Variants in CLEC16A observed in about 807,000 individuals in gnomAD.
CLEC16A encodes the protein protein CLEC16A.
CLEC16A carries 51 observed loss-of-function variants against 109.5 expected under a neutral mutation model. The ratio of observed to expected loss-of-function variants is 0.47; its 90% CI spans 0.37 to 0.59. The LOEUF is 0.59. CLEC16A is among the 20% of genes least tolerant of loss of function. The pLI is 0.00. For missense variants in CLEC16A, 1,339 were observed against 1,394.0 expected, an observed-to-expected ratio of 0.96 and a Z score of 0.63; for synonymous variants, 673 against 564.2, an observed-to-expected ratio of 1.19 and a Z score of -2.73.
At chr16:11,113,268 A>C (rs1046653585) in intron 19 of CLEC16A, among the ~76,000 whole-genome samples, 1 of 152,200 alleles carries the variant, frequency 6.6e-6, no homozygotes, top group Non-Finnish European at 1.5e-5. Context: ...TGGGCCTCAT[A>C]AAGACCTGAG....
rs754863161 is a variant in CLEC16A, at chr16:11,166,570, CAG to C, written c.2806+19_2806+20del. The C allele has an allele frequency of 1.3e-6, 2 of 1,568,366 alleles. No individual in the cohort carries two copies. The highest frequency in any genetic ancestry group is 2.3e-5 in the South Asian group (2 of 86,646). On this transcript the variant is annotated intron_variant, in intron 23 of 23. Transcript: ENST00000409790. ...TCCAGCAGGTATTGGCCACGTGACT[CAG>C]TGATATGGGGACATTTGGAGAACCC...
intron 13 of CLEC16A, among the ~76,000 whole-genome samples, chr16:11,038,116 G>C (rs1172608093): frequency 6.6e-6 from 1 of 152,156 alleles, no homozygotes; most frequent in Non-Finnish European, 1.5e-5. Context: ...TCCTTGGTAT[G>C]ACTTAGCCTC....
chr16:11,142,320 T>C (rs1280382178), intron 22 of CLEC16A, among the ~76,000 whole-genome samples: 2 of 152,318 alleles, frequency 1.3e-5, no homozygotes, highest in African/African-American at 2.4e-5. Flanking sequence ...AGTTGGAAGC[T>C]GGGGGCACTG....
At chr16:11,045,997 G>A (rs1020899296) in intron 16 of CLEC16A, among the ~76,000 whole-genome samples, 1 of 152,108 alleles carries the variant, frequency 6.6e-6, no homozygotes, top group Admixed American at 6.5e-5. Flanking sequence ...ACACTGAGGA[G>A]GAAATCCCAC....
intron 11 of CLEC16A, 49 bp from the exon 12 acceptor site, chr16:11,020,144 G>A: frequency 6.4e-7 from 1 of 1,559,532 alleles, no homozygotes; most frequent in Non-Finnish European, 8.7e-7. Flanking sequence ...TATAAATCTA[G>A]GGCTGAAAAG....
intron 19 of CLEC16A, among the ~76,000 whole-genome samples, chr16:11,118,154 A>G (rs1433264895): frequency 1.3e-5 from 2 of 151,744 alleles, no homozygotes; most frequent in South Asian, 2.1e-4. Flanking sequence ...GGGTCTCACT[A>G]TGTTGCCCAG....
chr16:11,143,089 G>T (rs1359703877), intron 22 of CLEC16A, among the ~76,000 whole-genome samples: 2 of 152,228 alleles, frequency 1.3e-5, no homozygotes, highest in African/African-American at 4.8e-5. Flanking sequence ...AGGGATTACA[G>T]GCATGACCCA....
At chr16:10,997,704 G>T (rs8055544) in intron 10 of CLEC16A, among the ~76,000 whole-genome samples, 101,461 of 152,100 alleles carry the variant, frequency 0.67, 36,017 homozygotes, top group African/African-American at 0.92. Flanking sequence ...AAAGTGAAAG[G>T]TCCTCCAACC....
intron 10 of CLEC16A, among the ~76,000 whole-genome samples, chr16:10,999,106 A>G (rs951032493): frequency 1.3e-5 from 2 of 152,182 alleles, no homozygotes; most frequent in Non-Finnish European, 2.9e-5. Flanking sequence ...GTATCTATTT[A>G]TATGTATATG....
intron 16 of CLEC16A, among the ~76,000 whole-genome samples, chr16:11,046,734 G>A (rs1173792298): frequency 6.6e-6 from 1 of 152,202 alleles, no homozygotes; most frequent in East Asian, 1.9e-4. Context: ...TCAGAACCAA[G>A]ACTATGCCCA....
chr16:10,983,055 G>C, intron 10 of CLEC16A, 64 bp downstream of exon 10: 1 of 919,662 alleles, frequency 1.1e-6, no homozygotes, highest in Non-Finnish European at 1.8e-6. Flanking sequence ...TAATCTGTGT[G>C]TTTCTCTAAA....
At chr16:11,167,424 G>A (rs537123545) in intron 23 of CLEC16A, among the ~76,000 whole-genome samples, 108 of 152,248 alleles carry the variant, frequency 7.1e-4, no homozygotes, top group African/African-American at 2.6e-3. Flanking sequence ...TATTTCAGGG[G>A]CACGTGGCCC....
chr16:11,128,950 C>A (rs536078799), intron 22 of CLEC16A, among the ~76,000 whole-genome samples: 1 of 152,340 alleles, frequency 6.6e-6, no homozygotes, highest in East Asian at 1.9e-4. Flanking sequence ...ATACCCCTGC[C>A]TCCAGCTTTT....
At chr16:11,031,542 A>T (rs2046743854) in intron 13 of CLEC16A, among the ~76,000 whole-genome samples, 1 of 152,178 alleles carries the variant, frequency 6.6e-6, no homozygotes, top group Non-Finnish European at 1.5e-5. Context: ...AGGAAATTGA[A>T]TTCCTTCTCC....
At chr16:11,053,981 C>T (rs778751068) in intron 18 of CLEC16A, among the ~76,000 whole-genome samples, 4 of 152,226 alleles carry the variant, frequency 2.6e-5, no homozygotes, top group Non-Finnish European at 5.9e-5. Flanking sequence ...TCACTAATCC[C>T]ACCTGGAGCA....
intron 11 of CLEC16A, among the ~76,000 whole-genome samples, chr16:11,006,227 C>G (rs1308663172): frequency 6.6e-6 from 1 of 152,094 alleles, no homozygotes; most frequent in Admixed American, 6.5e-5. Flanking sequence ...CTTCCCACCC[C>G]CAGAGATATT....
chr16:11,128,448 C>T (rs556120968), intron 22 of CLEC16A, among the ~76,000 whole-genome samples: 9 of 152,342 alleles, frequency 5.9e-5, no homozygotes, highest in African/African-American at 2.2e-4. Flanking sequence ...AAGTGTGAGG[C>T]TGTGCCAACT....
At chr16:11,069,412 AG>A (rs1293663680) in intron 19 of CLEC16A, among the ~76,000 whole-genome samples, 10 of 151,742 alleles carry the variant, frequency 6.6e-5, no homozygotes, top group Non-Finnish European at 1.2e-4. Context: ...TATAGGCATG[AG>A]TCACTGTGTC....
At chr16:10,992,958 G>T (rs901383916) in intron 10 of CLEC16A, among the ~76,000 whole-genome samples, 1 of 152,130 alleles carries the variant, frequency 6.6e-6, no homozygotes, top group African/African-American at 2.4e-5. Context: ...GGTTGGGTCG[G>T]GGGGCGTGGC....
Sources: allele counts gnomAD v4.1 joint callset (sites outside exome capture counted in the v4.1 genomes callset), GRCh38; gene constraint gnomAD v4.1.1; transcripts MANE v1.5; gene names NCBI Gene and HGNC (gene_info 2026-07-23, HGNC 2026-07-21).